DLG2: variants seen among roughly 807,000 people sequenced by gnomAD.
DLG2 encodes the protein disks large homolog 2.
A neutral mutation model predicts 132.5 loss-of-function variants in DLG2; 45 were observed. The observed-to-expected ratio is 0.34, with a 90% CI of 0.27 to 0.44. The LOEUF is 0.44. Ranked by LOEUF, DLG2 falls within the 20% of genes least tolerant of loss-of-function variation. The pLI is 1.00. For synonymous variants in DLG2, 424 were observed against 419.6 expected, an observed-to-expected ratio of 1.01 and a Z score of -0.13; for missense variants, 1,045 against 1,196.9, an observed-to-expected ratio of 0.87 and a Z score of 1.87.
chr11:84,507,678 C>T (rs777000589), intron 7 of DLG2, among the ~76,000 whole-genome samples: 47 of 152,106 alleles, frequency 3.1e-4, no homozygotes, highest in African/African-American at 9.4e-4. Context: ...TTTTTCATCA[C>T]GAAGGGATGC....
At chr11:85,604,499 A>T (rs912661978) in intron 2 of DLG2, among the ~76,000 whole-genome samples, 11 of 152,240 alleles carry the variant, frequency 7.2e-5, no homozygotes, top group African/African-American at 2.7e-4. Context: ...AGCTGAGATA[A>T]TTATCCAAGC....
chr11:83,655,039 A>T (rs996492900), intron 18 of DLG2, among the ~76,000 whole-genome samples: 1 of 152,206 alleles, frequency 6.6e-6, no homozygotes, highest in Non-Finnish European at 1.5e-5. Context: ...GGTGGCATGA[A>T]GTAGACGCTT....
At chr11:84,903,311 A>T (rs1208768960) in intron 6 of DLG2, among the ~76,000 whole-genome samples, 1 of 152,164 alleles carries the variant, frequency 6.6e-6, no homozygotes, top group African/African-American at 2.4e-5. Flanking sequence ...AGCATCTTTC[A>T]CCACTTTCAT....
At chr11:83,594,487 G>A (rs948623835) in intron 19 of DLG2, among the ~76,000 whole-genome samples, 1 of 152,128 alleles carries the variant, frequency 6.6e-6, no homozygotes, top group African/African-American at 2.4e-5. Flanking sequence ...GCATGATCTT[G>A]TTTAAACTGA....
At chr11:85,082,826 A>G (rs1330538513) in intron 6 of DLG2, among the ~76,000 whole-genome samples, 3 of 151,400 alleles carry the variant, frequency 2.0e-5, no homozygotes, top group South Asian at 2.1e-4. Context: ...TCTGATTTGA[A>G]CAAGTATAAT....
intron 15 of DLG2, among the ~76,000 whole-genome samples, chr11:83,918,711 C>G (rs1218340268): frequency 1.3e-5 from 2 of 152,090 alleles, no homozygotes; most frequent in Non-Finnish European, 2.9e-5. Flanking sequence ...AAGTCCCTGC[C>G]TGAGGAAAGA....
chr11:85,281,029 G>A (rs1453064036), intron 4 of DLG2, among the ~76,000 whole-genome samples: 4 of 151,956 alleles, frequency 2.6e-5, no homozygotes, highest in African/African-American at 9.7e-5. Flanking sequence ...AAGGATCAGG[G>A]TGCTGATTTA....
chr11:83,612,751 G>A (rs2060289506), intron 19 of DLG2, among the ~76,000 whole-genome samples: 1 of 152,164 alleles, frequency 6.6e-6, no homozygotes, highest in South Asian at 2.1e-4. Flanking sequence ...TGAATGGGAA[G>A]GAGGAAGAGA....
chr11:84,729,662 T>C (rs2062922359), intron 6 of DLG2, among the ~76,000 whole-genome samples: 1 of 152,096 alleles, frequency 6.6e-6, no homozygotes, highest in Middle Eastern at 3.2e-3. Flanking sequence ...TAGTGACTGC[T>C]TGGCCTTTAT....
At chr11:84,435,489 T>C (rs2098997695) in intron 7 of DLG2, among the ~76,000 whole-genome samples, 1 of 152,150 alleles carries the variant, frequency 6.6e-6, no homozygotes, top group Non-Finnish European at 1.5e-5. Context: ...CAAAATTAAC[T>C]CCTCCTAGCT....
At chr11:84,701,376 G>A (rs1461406469) in intron 6 of DLG2, among the ~76,000 whole-genome samples, 1 of 151,542 alleles carries the variant, frequency 6.6e-6, no homozygotes, top group South Asian at 2.1e-4. Context: ...ACATGATAGT[G>A]TAGGTACTTC....
rs185601977 is a variant in DLG2 at position 84,541,659 on chromosome 11, C to T, written c.358-6928G>A. 1.1e-3 allele frequency among the ~76,000 whole-genome samples: 170 copies of T among 152,120 alleles called. 1 individual carries two copies. Among genetic ancestry groups the T allele is most frequent in the African/African-American group, 3.2e-3 (133 of 41,482 alleles). Reference sequence around the variant, plus strand: ...CATCTCTGAATCTCCAATGCCCAACCGACAAATGACACATAAAAAGAGATC... The same window carrying T: ...CATCTCTGAATCTCCAATGCCCAACTGACAAATGACACATAAAAAGAGATC... On this transcript the variant is annotated intron_variant, in intron 6 of 27. Coordinates refer to ENST00000376104, the MANE Select transcript of DLG2 (RefSeq NM_001142699.3).
chr11:84,132,600 C>A (rs1226236770), intron 9 of DLG2, among the ~76,000 whole-genome samples: 6 of 151,950 alleles, frequency 3.9e-5, no homozygotes, highest in African/African-American at 1.4e-4. Context: ...GTGCAAAACA[C>A]TGTGCTAGTA....
At chr11:85,322,939 C>G (rs569054312) in intron 3 of DLG2, among the ~76,000 whole-genome samples, 1 of 152,324 alleles carries the variant, frequency 6.6e-6, no homozygotes, top group East Asian at 1.9e-4. Context: ...ATAGGATAAT[C>G]TTTTAAAATT....
intron 9 of DLG2, among the ~76,000 whole-genome samples, chr11:84,143,432 T>G (rs2094939568): frequency 1.3e-5 from 2 of 152,206 alleles, no homozygotes. Flanking sequence ...TCTAAATGAC[T>G]ACATGTGCAT....
At chr11:84,429,665 T>C (rs370154567) in intron 7 of DLG2, among the ~76,000 whole-genome samples, 37 of 152,200 alleles carry the variant, frequency 2.4e-4, no homozygotes, top group East Asian at 1.3e-3. Context: ...ATGGCTTCTC[T>C]AATAGCCTCA....
intron 3 of DLG2, among the ~76,000 whole-genome samples, chr11:85,592,564 A>G (rs2079431569): frequency 6.6e-6 from 1 of 152,246 alleles, no homozygotes; most frequent in African/African-American, 2.4e-5. Context: ...CCATAGAATA[A>G]TTATTGTAAC....
intron 18 of DLG2, among the ~76,000 whole-genome samples, chr11:83,690,537 G>A (rs1434172080): frequency 2.0e-5 from 3 of 152,062 alleles, no homozygotes; most frequent in Non-Finnish European, 4.4e-5. Flanking sequence ...AGAGCTAATT[G>A]TAATAATAAC....
At position 85,187,914 on chromosome 11, in the gene DLG2, T is replaced by C. The variant is rs754942102; in HGVS notation, c.187-33263A>G. Among the ~76,000 whole-genome samples, 37 of 152,234 alleles carry C rather than the reference T, an allele frequency of 2.4e-4. 1 individual carries two copies. Among genetic ancestry groups the C allele is most frequent in the Non-Finnish European group, 1.0e-4 (7 of 68,000 alleles). On this transcript the variant is annotated intron_variant, in intron 4 of 27. Transcript: ENST00000376104. ...GGCATGCAAAACATCAGCAGACTAA[T>C]TGGTAGTTCAACAGGAAGATCCACG... is the stretch of plus-strand genomic sequence containing the variant.
Sources: allele counts gnomAD v4.1 joint callset (sites outside exome capture counted in the v4.1 genomes callset), GRCh38; gene constraint gnomAD v4.1.1; transcripts MANE v1.5; gene names NCBI Gene and HGNC (gene_info 2026-07-23, HGNC 2026-07-21).